The following TEX10 variants were observed in gnomAD, a reference collection of about 807,000 sequenced individuals.
TEX10 encodes the protein testis expressed 10.
In TEX10, 24 loss-of-function variants were observed where a neutral mutation model predicts 104.4. The ratio of observed to expected loss-of-function variants is 0.23; its 90% CI spans 0.17 to 0.32. The LOEUF (loss-of-function observed/expected upper bound fraction) is 0.32. Ranked by LOEUF, TEX10 falls within the 10% of genes least tolerant of loss-of-function variation. TEX10 has a pLI of 1.00. For missense variants in TEX10, 921 were observed against 1,083.9 expected (o/e 0.85, Z 2.11); for synonymous variants, 396 against 393.4 (o/e 1.01, Z -0.08).
At chr9:100,324,583 T>A (rs552290268) in intron 9 of TEX10, among the ~76,000 whole-genome samples, 1 of 152,150 alleles carries the variant, frequency 6.6e-6, no homozygotes, top group Non-Finnish European at 1.5e-5. Context: ...GTAAAATTAA[T>A]ATATTTTCCC....
chr9:100,334,792 G>A (rs1349613980), intron 5 of TEX10, among the ~76,000 whole-genome samples: 1 of 151,768 alleles, frequency 6.6e-6, no homozygotes, highest in Non-Finnish European at 1.5e-5. Context: ...AGGCTCCCAA[G>A]TATCAGGGGT....
At chr9:100,321,566 T>C (rs1588171928) in intron 10 of TEX10, 117 bp downstream of exon 10, 3 of 767,136 alleles carry the variant, frequency 3.9e-6, no homozygotes, top group East Asian at 2.6e-5. Flanking sequence ...CACTCCAAGA[T>C]AGAATATTTA....
At chr9:100,321,386 T>A (rs1052799003) in intron 10 of TEX10, among the ~76,000 whole-genome samples, 9 of 152,160 alleles carry the variant, frequency 5.9e-5, no homozygotes, top group African/African-American at 2.2e-4. Context: ...ATAGTAGTAG[T>A]ACATCAAACT....
At chr9:100,346,530 A>G (rs1014864878) in intron 3 of TEX10, among the ~76,000 whole-genome samples, 164 bp downstream of exon 3, 2 of 152,224 alleles carry the variant, frequency 1.3e-5, no homozygotes, top group African/African-American at 4.8e-5. Context: ...TAAATAAATT[A>G]ACATACAAAT....
intron 1 of TEX10, among the ~76,000 whole-genome samples, chr9:100,351,326 AT>A (rs1835435971): frequency 1.4e-5 from 2 of 143,646 alleles, no homozygotes; most frequent in South Asian, 2.2e-4. Flanking sequence ...CTATTACCAA[AT>A]TTTCATCTCA....
rs1206627353 is a variant in TEX10 at position 100,349,308 on chromosome 9, C to A, written c.56G>T (p.Gly19Val). The change falls in exon 2 of 15, where the codon GGT (glycine) becomes GTT (valine). Residue 19 changes from glycine (G) to valine (V), a missense_variant. Around this residue, in one of 3 missense-constraint regions of TEX10, gnomAD observed 118 missense variants for 111.3 expected, o/e 1.06. Coordinates refer to ENST00000374902, the MANE Select transcript of TEX10 (RefSeq NM_017746.4). ...HDFQKVKLKVGKKKPKLQNAT... is the reference protein window; with the variant it reads ...HDFQKVKLKVVKKKPKLQNAT... ...ATTTTGTAACTTGGGCTTCTTTTTA[C>A]CAACTTTCAATTTTACTTTTTGAAA... 3 of 1,603,884 alleles carry A rather than the reference C, an allele frequency of 1.9e-6. No individual in the cohort carries two copies. Among genetic ancestry groups the A allele is most frequent in the African/African-American group, 2.7e-5 (2 of 74,242 alleles).
chr9:100,336,824 G>A (rs1047224008), intron 5 of TEX10, among the ~76,000 whole-genome samples: 2 of 152,106 alleles, frequency 1.3e-5, no homozygotes, highest in Non-Finnish European at 2.9e-5. Context: ...GCTGTTCACA[G>A]GCTATTTGCT....
intron 11 of TEX10, among the ~76,000 whole-genome samples, chr9:100,315,043 C>T (rs571216537): frequency 3.3e-5 from 5 of 152,296 alleles, no homozygotes; most frequent in East Asian, 1.9e-4. Context: ...TAATGCAAAA[C>T]GATGTATTTG....
At chr9:100,352,528 C>T in intron 1 of TEX10, 2 of 1,549,814 alleles carry the variant, frequency 1.3e-6, no homozygotes, top group Non-Finnish European at 1.7e-6. Flanking sequence ...CTCTCTCGGA[C>T]CCGAAACCAG....
At position 100,350,090 on chromosome 9, in the gene TEX10, G is replaced by C. The variant is rs144945983; in HGVS notation, c.-9-718C>G. ...ATAGGGGGATAAGGAACAAAGACCA[G>C]CTAAGCCACTATTATAATAAATAAC... On this transcript the variant is annotated intron_variant, in intron 1 of 14. Transcript: ENST00000374902. 6.1e-3 allele frequency among the ~76,000 whole-genome samples: 924 copies of C among 152,264 alleles called. 5 individuals are homozygous for C. The highest frequency in any genetic ancestry group is 0.023 in the South Asian group (110 of 4,820).
chr9:100,321,288 TCCTA>T (rs1834565219), intron 10 of TEX10, among the ~76,000 whole-genome samples: 1 of 152,200 alleles, frequency 6.6e-6, no homozygotes, highest in Non-Finnish European at 1.5e-5. Flanking sequence ...ATATTAACTC[TCCTA>T]ATTTCAAGTC....
chr9:100,313,657 T>C (rs1427009688), intron 11 of TEX10, among the ~76,000 whole-genome samples: 1 of 152,052 alleles, frequency 6.6e-6, no homozygotes, highest in Non-Finnish European at 1.5e-5. Context: ...AAGACCAGCC[T>C]GGCCTACATG....
chr9:100,310,791 A>G (rs1834258524), intron 11 of TEX10, among the ~76,000 whole-genome samples: 1 of 152,190 alleles, frequency 6.6e-6, no homozygotes, highest in Non-Finnish European at 1.5e-5. Context: ...AACACATAAC[A>G]AATTATTTTG....
chr9:100,345,896 A>G (rs9299338), intron 4 of TEX10, among the ~76,000 whole-genome samples, 176 bp downstream of exon 4: 69,022 of 151,318 alleles, frequency 0.46, 17,378 homozygotes, highest in East Asian at 0.89. Flanking sequence ...TTCACAGATA[A>G]TAACTTCAGA....
At chr9:100,350,365 C>G (rs1212150273) in intron 1 of TEX10, among the ~76,000 whole-genome samples, 1 of 152,194 alleles carries the variant, frequency 6.6e-6, no homozygotes, top group Non-Finnish European at 1.5e-5. Context: ...ATGACCAAGA[C>G]TCAAGAGTTC....
rs1835323284 is a variant in TEX10, at chr9:100,347,290, T to C, written c.297A>G (p.Ile99Met). Residue 99 changes from isoleucine (I) to methionine (M), a missense_variant, in exon 3 of 15, where the codon ATA becomes ATG. Physicochemically the swap from Ile to Met is conservative, Grantham distance 10. This residue lies in a region of TEX10 where 118 missense variants were observed against 111.3 expected (regional missense o/e 1.06). Transcript: ENST00000374902. ...TAAACACAGCAGTCACTTCACTTAA[T>C]ATGTTTGAAAGGTGTGCATCAATTA... Reference protein sequence around the residue: ...PFIIDAHLSNILSEVTAVFTD... With the variant: ...PFIIDAHLSNMLSEVTAVFTD... 1.2e-6 allele frequency: 2 copies of C among 1,614,060 alleles called. No individual in the cohort carries two copies. Among genetic ancestry groups the C allele is most frequent in the Non-Finnish European group, 1.7e-6 (2 of 1,180,014 alleles).
At chr9:100,344,265 G>A (rs1835246231) in intron 4 of TEX10, among the ~76,000 whole-genome samples, 1 of 152,056 alleles carries the variant, frequency 6.6e-6, no homozygotes, top group Non-Finnish European at 1.5e-5. Context: ...ATATGTTAAT[G>A]AGCTGCTAAT....
Position 100,346,739 on chromosome 9 carries a change from T to G in TEX10, c.848A>C (p.Glu283Ala). 1 of 1,614,088 alleles carries G rather than the reference T, an allele frequency of 6.2e-7. No individual in the cohort carries two copies. The highest frequency in any genetic ancestry group is 8.5e-7 in the Non-Finnish European group (1 of 1,179,966). The change falls in exon 3 of 15, where the codon GAA (glutamate) becomes GCA (alanine). Residue 283 changes from glutamate to alanine, a missense_variant. Physicochemically the swap from Glu to Ala is moderately radical, Grantham distance 107. Around this residue, in one of 3 missense-constraint regions of TEX10, gnomAD observed 753 missense variants for 868.4 expected, o/e 0.87. Coordinates refer to ENST00000374902, the MANE Select transcript of TEX10 (RefSeq NM_017746.4). ...GACATTTGGCTGTGAACCCCCATTT[T>G]CATAAACCTGGATGTGTTGCTGGTC... ...ANDQQHIQVY[E>A]NGGSQPNVSS...
At position 100,325,486 on chromosome 9, in the gene TEX10, C is replaced by T. The variant is rs1834682480; in HGVS notation, c.1979+816G>A. 2.0e-5 allele frequency among the ~76,000 whole-genome samples: 3 copies of T among 152,182 alleles called. No individual in the cohort carries two copies. The South Asian group carries it at 6.2e-4, about 31-fold the overall frequency. On this transcript the variant is annotated intron_variant, in intron 9 of 14. Transcript: ENST00000374902. ...CAGTGAGCTATGATCATGCCACTTG[C>T]ACTCTAATCTGGGCAACAGAGTGAG...
Sources: gnomAD v4.1 joint callset for allele counts (sites outside exome capture counted in the v4.1 genomes callset) on GRCh38, gnomAD v4.1.1 for gene constraint, gnomAD v4.1.1 regional missense constraint, MANE v1.5 for transcripts, NCBI Gene and HGNC (gene_info 2026-07-23, HGNC 2026-07-21) for gene names.